DACT3: variants seen among roughly 807,000 people sequenced by gnomAD.
DACT3 encodes the protein dapper homolog 3.
DACT3 carries 5 observed loss-of-function variants against 19.6 expected under a neutral mutation model. The observed-to-expected ratio is 0.26, with a 90% CI of 0.13 to 0.54. The LOEUF is 0.54. Ranked by LOEUF, DACT3 falls within the 20% of genes least tolerant of loss-of-function variation. The probability of loss-of-function intolerance (pLI) is 0.95; values close to 1 mark genes in which losing one functional copy is unlikely to be tolerated. For missense variants in DACT3, 908 were observed against 927.4 expected, an observed-to-expected ratio of 0.98 and a Z score of 0.27; for synonymous variants, 454 against 428.1, an observed-to-expected ratio of 1.06 and a Z score of -0.75.
rs60790066 is a variant in DACT3, at chr19:46,659,180, T to TC, written c.249+1635dup. On this transcript the variant is annotated intron_variant, in intron 1 of 3. Coordinates refer to ENST00000391916, the MANE Select transcript of DACT3 (RefSeq NM_145056.3). ...TTTAGCGCTTCTCTGCTCCTCCTCC[T>TC]CCCCCCGCCTGCCACCGCCTCCTCC... The TC allele has an allele frequency of 1.0e-4, 100 of 982,594 alleles. 1 individual carries two copies. In the East Asian group the frequency reaches 6.3e-3, roughly 62 times the overall value. 60.9% of individuals were successfully genotyped at this position (982,594 alleles called of 1,614,324 possible). A position where few individuals can be genotyped will look rare whatever the true frequency, so the allele number is the denominator to read the frequency against.
At position 46,649,140 on chromosome 19, in the gene DACT3, C is replaced by T; in HGVS notation, c.1232G>A (p.Gly411Asp). ...GCGGGCCCTGGGCGAGCCGCGGCGG[C>T]CCGAAGCCTCGGCCATGCGTCCACG... ...GRRGRMAEAS[G>D]RRGSPRARKA... Residue 411 changes from glycine to aspartate, a missense_variant, in exon 4 of 4, where the codon GGC becomes GAC. This residue lies in a region of DACT3 where 656 missense variants were observed against 601.8 expected (regional missense o/e 1.09). Transcript: ENST00000391916. 1 of 1,261,556 alleles carries T rather than the reference C, an allele frequency of 7.9e-7. No homozygotes were observed. Among genetic ancestry groups the T allele is most frequent in the Non-Finnish European group, 9.9e-7 (1 of 1,005,264 alleles). 78.1% of individuals were successfully genotyped at this position (1,261,556 alleles called of 1,614,324 possible). A position where few individuals can be genotyped will look rare whatever the true frequency, so the allele number is the denominator to read the frequency against.
chr19:46,652,581 C>G, intron 3 of DACT3, 79 bp downstream of exon 3: 2 of 1,438,662 alleles, frequency 1.4e-6, no homozygotes, highest in Non-Finnish European at 1.9e-6. Context: ...AATCCAGGCC[C>G]GATTCGGAAG....
intron 3 of DACT3, chr19:46,650,089 G>A: frequency 2.9e-6 from 1 of 350,608 alleles, no homozygotes; most frequent in Non-Finnish European, 4.9e-6. Context: ...TCCTGCCTCT[G>A]CCTCTGCCTC....
chr19:46,658,502 G>C (rs2053048897), intron 1 of DACT3, among the ~76,000 whole-genome samples: 1 of 152,232 alleles, frequency 6.6e-6, no homozygotes, highest in Non-Finnish European at 1.5e-5. Context: ...AGGAAGAGCA[G>C]AAATTAGGGA....
chr19:46,659,554 C>T (rs2053058845), intron 1 of DACT3: 1 of 512,572 alleles, frequency 2.0e-6, no homozygotes, highest in East Asian at 1.5e-4. Context: ...CCTCCCACAG[C>T]TGTTTCTGTT....
intron 1 of DACT3, among the ~76,000 whole-genome samples, chr19:46,658,920 C>G (rs1402450388): frequency 1.3e-5 from 2 of 152,162 alleles, no homozygotes; most frequent in Non-Finnish European, 2.9e-5. Flanking sequence ...TGCCCTCACC[C>G]AGGATTCCTG....
chr19:46,655,679 A>AT (rs1389561797), intron 1 of DACT3, among the ~76,000 whole-genome samples: 2 of 152,146 alleles, frequency 1.3e-5, no homozygotes, highest in Non-Finnish European at 2.9e-5. Context: ...TCTCACTAGA[A>AT]TGTCAGCCCT....
chr19:46,650,073 G>A, intron 3 of DACT3: 2 of 436,688 alleles, frequency 4.6e-6, no homozygotes, highest in Non-Finnish European at 7.2e-6. Flanking sequence ...GACCCTGCGT[G>A]ACTTGTCCTG....
At position 46,660,114 on chromosome 19, in the gene DACT3, T is replaced by A. The variant is rs940541050; in HGVS notation, c.249+702A>T. On this transcript the variant is annotated intron_variant, in intron 1 of 3. Coordinates refer to ENST00000391916, the MANE Select transcript of DACT3 (RefSeq NM_145056.3). The surrounding 1 kb of genome is among the most constrained non-coding windows in gnomAD (Gnocchi z 4.9). ...TCTTCCACCATGAGAACACCCAGAG[T>A]CCAGAAGTCTCCCCCAGGCGCTGCC... is the stretch of plus-strand genomic sequence containing the variant. Among the ~76,000 whole-genome samples, 4 of 151,824 alleles carry A rather than the reference T, an allele frequency of 2.6e-5. No individual in the cohort carries two copies. Among genetic ancestry groups the A allele is most frequent in the Non-Finnish European group, 5.9e-5 (4 of 67,932 alleles).
At chr19:46,653,235 G>A (rs1224948859) in intron 1 of DACT3, among the ~76,000 whole-genome samples, 160 bp from the exon 2 acceptor site, 1 of 152,108 alleles carries the variant, frequency 6.6e-6, no homozygotes, top group East Asian at 1.9e-4. Flanking sequence ...CTCAAGATCT[G>A]TGTCCCTTCA....
chr19:46,648,819 G>C lies in DACT3; in HGVS notation c.1553C>G (p.Ala518Gly). ...APQRRLLYGC[A>G]GSDSECSAGR... Reference sequence around the variant, plus strand: ...AGCCGAGCACTCGGAGTCGCTGCCCGCGCAGCCGTAAAGCAGACGACGCTG... The same window carrying C: ...AGCCGAGCACTCGGAGTCGCTGCCCCCGCAGCCGTAAAGCAGACGACGCTG... The change falls in exon 4 of 4, where the codon GCG becomes GGG. Residue 518 changes from alanine to glycine, a missense_variant. Physicochemically the swap from Ala to Gly is moderately conservative, Grantham distance 60 (BLOSUM62 0). Transcript: ENST00000391916. The surrounding 1 kb of genome is among the most constrained non-coding windows in gnomAD (Gnocchi z 5.1). The C allele has an allele frequency of 6.6e-7, 1 of 1,523,130 alleles. No individual in the cohort carries two copies. Among genetic ancestry groups the C allele is most frequent in the South Asian group, 1.2e-5 (1 of 83,626 alleles). 94.4% of individuals were successfully genotyped at this position (1,523,130 alleles called of 1,614,324 possible).
chr19:46,649,294 T>A lies in DACT3; in HGVS notation c.1078A>T (p.Ile360Phe). ...CGGGTGGCCGCCTGCGCGCCCGGGA[T>A]GTACTGCGCCTTCACCAAGCGGCCC... ...AEGRLVKAQYIPGAQAATRGL... is the reference protein window; with the variant it reads ...AEGRLVKAQYFPGAQAATRGL... Residue 360 changes from isoleucine (I) to phenylalanine (F), a missense_variant, in exon 4 of 4, where the codon ATC (isoleucine) becomes TTC (phenylalanine). Physicochemically the swap from Ile to Phe is conservative, Grantham distance 21. Coordinates refer to ENST00000391916, the MANE Select transcript of DACT3 (RefSeq NM_145056.3). 8.2e-7 allele frequency: 1 copy of A among 1,221,014 alleles called. No homozygotes were observed. The highest frequency in any genetic ancestry group is 1.0e-6 in the Non-Finnish European group (1 of 979,916). The allele number at this position is 1,221,014 out of a possible 1,614,324, so 75.6% of individuals were successfully genotyped here. A position where few individuals can be genotyped will look rare whatever the true frequency, so the allele number is the denominator to read the frequency against.
intron 1 of DACT3, among the ~76,000 whole-genome samples, chr19:46,655,567 C>T (rs139739090): frequency 0.04 from 6,086 of 152,226 alleles, 247 homozygotes; most frequent in African/African-American, 0.1. Context: ...GAGCCGAGAT[C>T]ACGCCACTGC....
In DACT3 at chr19:46,648,440, G is replaced by A. The variant is rs770908883; in HGVS notation, c.*42C>T. On this transcript the variant is annotated 3_prime_UTR_variant, in exon 4 of 4. Transcript: ENST00000391916. This position sits in a 1 kb window ranked among gnomAD's most constrained non-coding sequence, Gnocchi z 5.1. ...AGGGTCAGTGGTTGGGAGTGTGGAG[G>A]TGCAGAGGCCATGAAGGGGGAGCCC... 10 of 1,613,374 alleles carry A rather than the reference G, an allele frequency of 6.2e-6. No homozygotes were observed. Among genetic ancestry groups the A allele is most frequent in the East Asian group, 2.2e-5 (1 of 44,858 alleles).
Position 46,649,523 on chromosome 19 carries a change from G to T in DACT3, c.849C>A (p.Asn283Lys). The T allele has an allele frequency of 9.3e-7, 1 of 1,071,412 alleles. No individual in the cohort carries two copies. Among genetic ancestry groups the T allele is most frequent in the Non-Finnish European group, 1.1e-6 (1 of 887,568 alleles). 66.4% of individuals were successfully genotyped at this position (1,071,412 alleles called of 1,614,324 possible). ...GGADGGPRRQ[N>K]SVRQRPPDAS... ...CGTCGGGCGGCCGCTGGCGCACGCT[G>T]TTCTGGCGCCGCGGGCCGCCGTCCG... The change falls in exon 4 of 4, where the codon AAC becomes AAA. Residue 283 changes from asparagine to lysine, a missense_variant. Asn to Lys is a moderately conservative substitution (Grantham distance 94). Around this residue, in one of 2 missense-constraint regions of DACT3, gnomAD observed 656 missense variants for 601.8 expected, o/e 1.09. Transcript: ENST00000391916.
Position 46,652,835 on chromosome 19 carries a change from G to C in DACT3, c.347-23C>G. 3 of 1,547,108 alleles carry C rather than the reference G, an allele frequency of 1.9e-6. No homozygotes were observed. The South Asian group carries it at 3.6e-5, about 18-fold the overall frequency. On this transcript the variant is annotated intron_variant, in intron 2 of 3. Coordinates refer to ENST00000391916, the MANE Select transcript of DACT3 (RefSeq NM_145056.3). Reference sequence around the variant, plus strand: ...AGCCTAAATTTCCAGGAGAAGCAGAGAGACTTCAGGGGGTTTGGGTGGGAA... The same window carrying C: ...AGCCTAAATTTCCAGGAGAAGCAGACAGACTTCAGGGGGTTTGGGTGGGAA...
chr19:46,660,842 C>T lies in DACT3; in HGVS notation c.223G>A (p.Ala75Thr). 2 of 1,516,754 alleles carry T rather than the reference C, an allele frequency of 1.3e-6. No individual in the cohort carries two copies. Among genetic ancestry groups the T allele is most frequent in the Admixed American group, 4.1e-5 (2 of 48,572 alleles). The allele number at this position is 1,516,754 out of a possible 1,614,324, so 94.0% of individuals were successfully genotyped here. A position where few individuals can be genotyped will look rare whatever the true frequency, so the allele number is the denominator to read the frequency against. ...AGCTGCTCCTCCAGGGCCGCTGCGG[C>T]CCGGCGCGCCGCCGCCGCATCTTCA... is the stretch of plus-strand genomic sequence containing the variant. ...EDEDAAAARR[A>T]AAALEEQLEA... Residue 75 changes from alanine to threonine, a missense_variant, in exon 1 of 4, where the codon GCC becomes ACC. Physicochemically the swap from Ala to Thr is moderately conservative, Grantham distance 58. Around this residue, in one of 2 missense-constraint regions of DACT3, gnomAD observed 252 missense variants for 325.6 expected, o/e 0.77. Coordinates refer to ENST00000391916, the MANE Select transcript of DACT3 (RefSeq NM_145056.3). The surrounding 1 kb of genome is among the most constrained non-coding windows in gnomAD (Gnocchi z 4.9).
chr19:46,652,930 G>C (rs753588860), intron 2 of DACT3, 49 bp downstream of exon 2: 1 of 1,547,188 alleles, frequency 6.5e-7, no homozygotes, highest in Admixed American at 2.0e-5. Context: ...AGGGATACGG[G>C]GAACATGGAG....
chr19:46,650,948 C>T (rs4327161), intron 3 of DACT3: 67,309 of 151,986 alleles, frequency 0.44, 16,065 homozygotes, highest in Non-Finnish European at 0.52. Flanking sequence ...GCACTTCCCT[C>T]CCCAAACTCA....
Sources: gnomAD v4.1 joint callset for allele counts (sites outside exome capture counted in the v4.1 genomes callset) on GRCh38, gnomAD v4.1.1 for gene constraint, gnomAD v4.1.1 regional missense constraint, Gnocchi (gnomAD v3.1) non-coding constraint, MANE v1.5 for transcripts, NCBI Gene and HGNC (gene_info 2026-07-23, HGNC 2026-07-21) for gene names.